Variants in AVEN observed in about 807,000 individuals in gnomAD.
AVEN encodes cell death regulator Aven.
In AVEN, 41 loss-of-function variants were observed where a neutral mutation model predicts 38.1. That is an observed-to-expected ratio of 1.08 (90% CI 0.84 to 1.40). AVEN has a LOEUF of 1.40. Among genes scored for constraint, AVEN ranks in the 40% most tolerant of loss-of-function variants. The pLI is 0.00. For synonymous variants in AVEN, 206 were observed against 171.8 expected (o/e 1.20, Z -1.56); for missense variants, 605 against 438.8 (o/e 1.38, Z -3.38).
At chr15:34,049,782 G>A (rs986158893) in intron 5 of AVEN, among the ~76,000 whole-genome samples, 1 of 151,754 alleles carries the variant, frequency 6.6e-6, no homozygotes, top group African/African-American at 2.4e-5. Flanking sequence ...GGCAGCCAGA[G>A]AGAAGGGCCA....
chr15:33,914,475 G>C (rs893054278), intron 2 of AVEN, among the ~76,000 whole-genome samples: 4 of 151,622 alleles, frequency 2.6e-5, no homozygotes, highest in African/African-American at 9.7e-5. Flanking sequence ...GATAAAATTG[G>C]ACCCATTCCT....
At chr15:33,854,581 G>T (rs1014067837), downstream of AVEN, 2 of 1,059,674 alleles carry the variant, frequency 1.9e-6, no homozygotes, top group Admixed American at 2.7e-5. Flanking sequence ...TACGTGCTGG[G>T]GGAACACTTA....
intron 2 of AVEN, among the ~76,000 whole-genome samples, chr15:33,948,505 TGTTA>T (rs1205493786): frequency 2.6e-5 from 4 of 152,184 alleles, no homozygotes; most frequent in Admixed American, 2.6e-4. Flanking sequence ...TTTTAATAAG[TGTTA>T]GTATCTTTTA....
intron 2 of AVEN, among the ~76,000 whole-genome samples, chr15:33,899,880 G>A (rs1293276805): frequency 6.6e-6 from 1 of 151,516 alleles, no homozygotes; most frequent in African/African-American, 2.4e-5. Flanking sequence ...TGTTCCAGAG[G>A]TCGTACCAAC....
chr15:33,947,433 A>G (rs1351748813), intron 2 of AVEN, among the ~76,000 whole-genome samples: 3 of 152,172 alleles, frequency 2.0e-5, no homozygotes, highest in Non-Finnish European at 2.9e-5. Context: ...CAAAATAGAA[A>G]CATCTGTAAT....
intron 2 of AVEN, among the ~76,000 whole-genome samples, chr15:33,952,113 G>C (rs1597266788): frequency 6.6e-6 from 1 of 152,292 alleles, no homozygotes; most frequent in East Asian, 1.9e-4. Context: ...ACAAAATTCT[G>C]TCTGGTCTAG....
At chr15:34,006,745 A>T (rs1789802895) in intron 1 of AVEN, among the ~76,000 whole-genome samples, 1 of 152,188 alleles carries the variant, frequency 6.6e-6, no homozygotes, top group Non-Finnish European at 1.5e-5. Flanking sequence ...AAATGCAGAG[A>T]CAGAGTTGTC....
At chr15:34,043,987 G>A (rs1044409513), upstream of AVEN, among the ~76,000 whole-genome samples, 4 of 151,494 alleles carry the variant, frequency 2.6e-5, no homozygotes, top group African/African-American at 4.9e-5. Flanking sequence ...ACTTGGGGAC[G>A]TCTTTCCAGC....
intron 2 of AVEN, among the ~76,000 whole-genome samples, chr15:34,067,828 T>A (rs1350497893): frequency 6.6e-6 from 1 of 152,184 alleles, no homozygotes; most frequent in Non-Finnish European, 1.5e-5. Flanking sequence ...CCCCACTCCA[T>A]TCCCATTGTA....
intron 2 of AVEN, among the ~76,000 whole-genome samples, chr15:33,964,018 G>T (rs1895296723): frequency 6.6e-6 from 1 of 151,702 alleles, no homozygotes; most frequent in Non-Finnish European, 1.5e-5. Flanking sequence ...TGTGATGTGG[G>T]TGTGCCTAAC....
chr15:34,039,653 G>A (rs865791161), upstream of AVEN, among the ~76,000 whole-genome samples: 7 of 152,162 alleles, frequency 4.6e-5, no homozygotes, highest in South Asian at 8.3e-4. Flanking sequence ...GTGGGAGAGA[G>A]AACAGTGCGA....
At chr15:33,860,467 T>TATTTTTCTA in intron 11 of AVEN, 1 of 555,768 alleles carries the variant, frequency 1.8e-6, no homozygotes, top group South Asian at 3.2e-5. Flanking sequence ...ACACGAGTAT[T>TATTTTTCTA]ATTTTTCTAA....
intron 2 of AVEN, among the ~76,000 whole-genome samples, chr15:33,980,566 G>C (rs1896092508): frequency 6.6e-6 from 1 of 152,114 alleles, no homozygotes; most frequent in Admixed American, 6.6e-5. Flanking sequence ...TGGGAGATCA[G>C]GCAAAAGGCA....
intron 2 of AVEN, among the ~76,000 whole-genome samples, chr15:33,908,898 G>A (rs1892812682): frequency 6.6e-6 from 1 of 152,166 alleles, no homozygotes; most frequent in Non-Finnish European, 1.5e-5. Flanking sequence ...CAGTCACCTG[G>A]GGTGGTCTAG....
intron 2 of AVEN, among the ~76,000 whole-genome samples, chr15:33,894,233 A>T (rs933296017): frequency 6.6e-6 from 1 of 152,036 alleles, no homozygotes; most frequent in African/African-American, 2.4e-5. Context: ...TAAAGGTGTG[A>T]GCTACTGCGC....
At chr15:33,977,031 C>T (rs1470172690) in intron 2 of AVEN, among the ~76,000 whole-genome samples, 1 of 152,056 alleles carries the variant, frequency 6.6e-6, no homozygotes, top group Non-Finnish European at 1.5e-5. Flanking sequence ...GTCACAATGG[C>T]ATGAATTAGT....
intron 1 of AVEN, chr15:34,018,081 T>A (rs1042503213): frequency 1.3e-5 from 2 of 152,238 alleles, no homozygotes; most frequent in Non-Finnish European, 2.9e-5. Flanking sequence ...CTTTTTACCA[T>A]TATTTTAGAG....
chr15:33,930,454 A>C (rs1471613522), intron 2 of AVEN, among the ~76,000 whole-genome samples: 1 of 152,246 alleles, frequency 6.6e-6, no homozygotes, highest in Non-Finnish European at 1.5e-5. Flanking sequence ...CATGATACAA[A>C]AGAATGTGAA....
At chr15:33,937,305 C>A (rs1025551211) in intron 2 of AVEN, among the ~76,000 whole-genome samples, 1 of 151,418 alleles carries the variant, frequency 6.6e-6, no homozygotes, top group African/African-American at 2.4e-5. Context: ...GAGGCCGAGG[C>A]GGGCGGATCA....
Sources: allele counts gnomAD v4.1 joint callset (sites outside exome capture counted in the v4.1 genomes callset), GRCh38; gene constraint gnomAD v4.1.1; transcripts MANE v1.5; gene names NCBI Gene and HGNC (gene_info 2026-07-23, HGNC 2026-07-21).